ARHGAP15: variants seen among roughly 807,000 people sequenced by gnomAD.
The protein encoded by ARHGAP15 is rho GTPase-activating protein 15.
In ARHGAP15, 51 loss-of-function variants were observed where a neutral mutation model predicts 63.7. The ratio of observed to expected loss-of-function variants is 0.80; its 90% CI spans 0.64 to 1.01. The LOEUF is 1.01. Among genes scored for constraint, ARHGAP15 ranks in the 50% least tolerant of loss-of-function variants. The probability of loss-of-function intolerance (pLI) is 0.00; values close to 1 mark genes in which losing one functional copy is unlikely to be tolerated. For missense variants in ARHGAP15, 560 were observed against 564.6 expected, an observed-to-expected ratio of 0.99 and a Z score of 0.08; for synonymous variants, 191 against 193.8, an observed-to-expected ratio of 0.99 and a Z score of 0.12.
intron 2 of ARHGAP15, among the ~76,000 whole-genome samples, chr2:143,197,526 T>C (rs1691929030): frequency 6.6e-6 from 1 of 152,060 alleles, no homozygotes; most frequent in African/African-American, 2.4e-5. Context: ...AAGTATATTA[T>C]GTAAAAACAA....
At chr2:143,679,504 C>CTATT (rs1682990465) in intron 12 of ARHGAP15, among the ~76,000 whole-genome samples, 1 of 152,134 alleles carries the variant, frequency 6.6e-6, no homozygotes, top group African/African-American at 2.4e-5. Flanking sequence ...TTAGGAAAAT[C>CTATT]TATTTCCTTT....
chr2:143,661,630 G>C (rs1005444267), intron 12 of ARHGAP15, among the ~76,000 whole-genome samples: 1 of 152,214 alleles, frequency 6.6e-6, no homozygotes, highest in African/African-American at 2.4e-5. Context: ...CGACGCAGAA[G>C]ACGGGTGATT....
intron 12 of ARHGAP15, chr2:143,682,755 C>G (rs1683162527): frequency 6.6e-6 from 1 of 152,160 alleles, no homozygotes; most frequent in Admixed American, 6.5e-5. Context: ...TTTGAGTTTA[C>G]TTCCTATATA....
intron 13 of ARHGAP15, among the ~76,000 whole-genome samples, chr2:143,747,766 TTATC>T (rs1181057689): frequency 2.6e-5 from 4 of 152,250 alleles, no homozygotes; most frequent in Non-Finnish European, 5.9e-5. Context: ...CCACAGCTGT[TTATC>T]CATTCATTAT....
At chr2:143,729,656 T>C (rs1685441006) in intron 13 of ARHGAP15, among the ~76,000 whole-genome samples, 1 of 152,198 alleles carries the variant, frequency 6.6e-6, no homozygotes, top group African/African-American at 2.4e-5. Flanking sequence ...AAAACAAATT[T>C]TCACCTTACA....
intron 11 of ARHGAP15, among the ~76,000 whole-genome samples, chr2:143,606,050 A>AAAAAC (rs1698005483): frequency 7.5e-6 from 1 of 132,484 alleles, no homozygotes; most frequent in African/African-American, 2.8e-5. Context: ...AAAAAAAAAA[A>AAAAAC]AAAAAAAAAA....
chr2:143,350,800 C>A (rs1685529046), intron 6 of ARHGAP15: 1 of 126,780 alleles, frequency 7.9e-6, no homozygotes, highest in African/African-American at 3.1e-5. Flanking sequence ...GATCGCGCCA[C>A]TGCACTCCAG....
intron 6 of ARHGAP15, among the ~76,000 whole-genome samples, chr2:143,276,206 C>T (rs771735424): frequency 5.3e-5 from 8 of 152,130 alleles, no homozygotes; most frequent in Non-Finnish European, 8.8e-5. Flanking sequence ...TTTATTCAGC[C>T]CACCATTTCT....
At chr2:143,314,452 G>A (rs1172826329) in intron 6 of ARHGAP15, 7 of 152,154 alleles carry the variant, frequency 4.6e-5, no homozygotes, top group South Asian at 2.1e-4. Flanking sequence ...ATTGTCACTC[G>A]ATCTCTTGGC....
At chr2:143,607,244 G>A (rs1698073772) in intron 11 of ARHGAP15, among the ~76,000 whole-genome samples, 1 of 152,146 alleles carries the variant, frequency 6.6e-6, no homozygotes, top group African/African-American at 2.4e-5. Flanking sequence ...CTCAAAAAGA[G>A]GCTGGAGAGT....
intron 6 of ARHGAP15, among the ~76,000 whole-genome samples, chr2:143,420,299 A>T (rs1320461500): frequency 6.6e-6 from 1 of 152,184 alleles, no homozygotes; most frequent in Non-Finnish European, 1.5e-5. Flanking sequence ...GAAAGGGATG[A>T]ACAGAAGATG....
At chr2:143,625,509 A>C (rs919308493) in intron 12 of ARHGAP15, among the ~76,000 whole-genome samples, 3 of 152,168 alleles carry the variant, frequency 2.0e-5, no homozygotes, top group Admixed American at 6.5e-5. Context: ...ATGCAGTAAC[A>C]ATACTCTAAA....
At chr2:143,758,567 A>G (rs1457304033) in intron 13 of ARHGAP15, among the ~76,000 whole-genome samples, 1 of 152,158 alleles carries the variant, frequency 6.6e-6, no homozygotes. Flanking sequence ...GAAACACACG[A>G]CTGCTTGTTT....
At chr2:143,284,265 G>A (rs1681990142) in intron 6 of ARHGAP15, among the ~76,000 whole-genome samples, 1 of 152,178 alleles carries the variant, frequency 6.6e-6, no homozygotes, top group African/African-American at 2.4e-5. Context: ...CCTTGGCCCT[G>A]TTTTACTCAG....
At chr2:143,318,509 CTTTTTTTTTTTTTT>C (rs535910161) in intron 6 of ARHGAP15, among the ~76,000 whole-genome samples, 761 of 55,666 alleles carry the variant, frequency 0.014, 25 homozygotes, top group African/African-American at 0.05. Flanking sequence ...GATTAAGGGC[CTTTTTTTTTTTTTT>C]TTTTTTTTTT....
At chr2:143,544,307 A>G (rs1695232229) in intron 10 of ARHGAP15, among the ~76,000 whole-genome samples, 1 of 152,222 alleles carries the variant, frequency 6.6e-6, no homozygotes, top group South Asian at 2.1e-4. Flanking sequence ...ACAGCATTCA[A>G]GGATACAGAA....
In ARHGAP15 at chr2:143,223,374, T is replaced by A. The variant is rs561824258; in HGVS notation, c.297-5207T>A. 3.9e-5 allele frequency among the ~76,000 whole-genome samples: 6 copies of A among 152,326 alleles called. No individual in the cohort carries two copies. In the East Asian group the frequency reaches 1.2e-3, roughly 29 times the overall value. ...ACCTGTAAATTCCTGTGGAAACTGA[T>A]GGCTGTCTCCCTTACTCTTGGCACT... On this transcript the variant is annotated intron_variant, in intron 4 of 13. Transcript: ENST00000295095.
chr2:143,275,198 A>C (rs1681483312), intron 6 of ARHGAP15, among the ~76,000 whole-genome samples: 1 of 152,030 alleles, frequency 6.6e-6, no homozygotes, highest in Admixed American at 6.6e-5. Flanking sequence ...CAAACTAAAA[A>C]GGCAATTATC....
intron 8 of ARHGAP15, among the ~76,000 whole-genome samples, chr2:143,471,202 ATGTGTGTATATATACACACACATG>A (rs925085937): frequency 3.5e-5 from 5 of 141,772 alleles, no homozygotes; most frequent in Non-Finnish European, 7.9e-5. Context: ...ACACACATAT[ATGTGTGTATATATACACACACATG>A]TGTATGTGTA....
Sources: allele counts gnomAD v4.1 joint callset (sites outside exome capture counted in the v4.1 genomes callset), GRCh38; gene constraint gnomAD v4.1.1; transcripts MANE v1.5; gene names NCBI Gene and HGNC (gene_info 2026-07-23, HGNC 2026-07-21).